The following PGD variants were observed in gnomAD, a reference collection of about 807,000 sequenced individuals.
PGD encodes the protein phosphogluconate dehydrogenase, also known as 6-phosphogluconate dehydrogenase, decarboxylating.
PGD carries 21 observed loss-of-function variants against 60.4 expected under a neutral mutation model. That is an observed-to-expected ratio of 0.35 (90% confidence interval 0.25 to 0.50). PGD has a LOEUF of 0.50. PGD is among the 20% of genes least tolerant of loss of function. The pLI, the probability that PGD is intolerant of heterozygous loss-of-function variation, is 0.98. For missense variants in PGD, 477 were observed against 613.1 expected (o/e 0.78, Z 2.34); for synonymous variants, 230 against 235.9 (o/e 0.97, Z 0.23).
chr1:10,413,930 C>T (rs1639548787), intron 8 of PGD, among the ~76,000 whole-genome samples: 1 of 151,572 alleles, frequency 6.6e-6, no homozygotes, highest in South Asian at 2.1e-4. Flanking sequence ...TTAGCAGGTG[C>T]CTGTAATCCC....
At chr1:10,404,566 C>G (rs575029773) in intron 5 of PGD, among the ~76,000 whole-genome samples, 2 of 148,954 alleles carry the variant, frequency 1.3e-5, no homozygotes, top group Admixed American at 6.8e-5. Context: ...GTGGTGAGAT[C>G]TTAGCTCACT....
At chr1:10,411,596 C>T in intron 7 of PGD, 44 bp downstream of exon 7, 2 of 1,610,900 alleles carry the variant, frequency 1.2e-6, no homozygotes, top group Non-Finnish European at 1.7e-6. Context: ...GCAGGGAGTG[C>T]TCACTTTGCC....
At position 10,417,121 on chromosome 1, in the gene PGD, G is replaced by A; in HGVS notation, c.975+4G>A. On this transcript the variant is annotated splice_donor_region_variant and intron_variant, in intron 9 of 12. Transcript: ENST00000270776. ...ATTCCTGGAGGACATTCGGAAGGTG[G>A]GACACAGTCCCTGGCAGTGGTCTTT... 6.2e-7 allele frequency: 1 copy of A among 1,613,794 alleles called. No individual in the cohort carries two copies. The highest frequency in any genetic ancestry group is 8.5e-7 in the Non-Finnish European group (1 of 1,179,796).
At position 10,419,863 on chromosome 1, in the gene PGD, G is replaced by GT. The variant is rs1387585526; in HGVS notation, c.*115dup. 17 of 1,243,666 alleles carry GT rather than the reference G, an allele frequency of 1.4e-5. No homozygotes were observed. In the Admixed American group the frequency reaches 3.3e-4, roughly 24 times the overall value. 77.0% of individuals were successfully genotyped at this position (1,243,666 alleles called of 1,614,324 possible). A position where few individuals can be genotyped will look rare whatever the true frequency, so the allele number is the denominator to read the frequency against. ...TTCTGTTCAGTTTTTTAAAAGTGTT[G>GT]TAAGAGACTCCTGAGGAAGACACAC... On this transcript the variant is annotated 3_prime_UTR_variant, in exon 13 of 13. Transcript: ENST00000270776.
intron 6 of PGD, among the ~76,000 whole-genome samples, chr1:10,408,667 G>A (rs1639447708): frequency 6.6e-6 from 1 of 152,196 alleles, no homozygotes; most frequent in Non-Finnish European, 1.5e-5. Flanking sequence ...ATAGTACAGT[G>A]GTGCGATCTT....
rs745501285 is a variant in PGD, at chr1:10,419,708, G to A, written c.1411G>A (p.Gly471Ser). The A allele has an allele frequency of 1.2e-6, 2 of 1,614,192 alleles. No individual in the cohort carries two copies. Among genetic ancestry groups the A allele is most frequent in the Non-Finnish European group, 8.5e-7 (1 of 1,180,018 alleles). ...PGQFIHTNWT[G>S]HGGTVSSSSY... ...GCAGTTTATCCACACCAACTGGACAGGCCATGGTGGCACCGTGTCATCCTC... is the reference window on the plus strand; with the variant it reads ...GCAGTTTATCCACACCAACTGGACAAGCCATGGTGGCACCGTGTCATCCTC... The change falls in exon 13 of 13, where the codon GGC (glycine) becomes AGC (serine). Residue 471 changes from glycine (G) to serine (S), a missense_variant. Coordinates refer to ENST00000270776, the MANE Select transcript of PGD (RefSeq NM_002631.4).
intron 5 of PGD, 76 bp from the exon 6 acceptor site, chr1:10,407,995 G>GTCT (rs1639435374): frequency 1.2e-6 from 1 of 837,562 alleles, no homozygotes; most frequent in South Asian, 1.3e-5. Context: ...GTGTCTATGG[G>GTCT]TATGTTGGTG....
chr1:10,419,858 G>A lies in PGD; in HGVS notation c.*109G>A. The A allele has an allele frequency of 7.5e-7, 1 of 1,338,462 alleles. No homozygotes were observed. Among genetic ancestry groups the A allele is most frequent in the East Asian group, 2.3e-5 (1 of 43,384 alleles). The allele number at this position is 1,338,462 out of a possible 1,614,324, so 82.9% of individuals were successfully genotyped here. On this transcript the variant is annotated 3_prime_UTR_variant, in exon 13 of 13. Transcript: ENST00000270776. ...CTATTTTCTGTTCAGTTTTTTAAAA[G>A]TGTTGTAAGAGACTCCTGAGGAAGA...
chr1:10,400,373 C>G lies in PGD; in HGVS notation c.85-20C>G. On this transcript the variant is annotated intron_variant, in intron 2 of 12. Transcript: ENST00000270776. Reference sequence around the variant, plus strand: ...TCTTGTGTGTCCTGGATCTCCTACTCAGGACTTTTGTCCTTCTAGGTCTGT... The same window carrying G: ...TCTTGTGTGTCCTGGATCTCCTACTGAGGACTTTTGTCCTTCTAGGTCTGT... 1.3e-6 allele frequency: 2 copies of G among 1,585,330 alleles called. No homozygotes were observed. Among genetic ancestry groups the G allele is most frequent in the Non-Finnish European group, 1.7e-6 (2 of 1,157,790 alleles).
At chr1:10,403,416 C>T (rs947252683) in intron 4 of PGD, among the ~76,000 whole-genome samples, 3 of 151,836 alleles carry the variant, frequency 2.0e-5, no homozygotes, top group Admixed American at 1.3e-4. Context: ...ATGGCGAAAA[C>T]CCGTCTCTAC....
At position 10,414,011 on chromosome 1, in the gene PGD, A is replaced by T. The variant is rs1398262529; in HGVS notation, c.844+760A>T. Among the ~76,000 whole-genome samples the T allele has an allele frequency of 2.0e-5, 3 of 152,162 alleles. No individual in the cohort carries two copies. In the East Asian group the frequency reaches 5.8e-4, roughly 29 times the overall value. ...GCAGAGGTTGCAGTGAGCCAAGATC[A>T]TGCCACTGCACTCCAGCCTGGGCAA... is the stretch of plus-strand genomic sequence containing the variant. On this transcript the variant is annotated intron_variant, in intron 8 of 12. Coordinates refer to ENST00000270776, the MANE Select transcript of PGD (RefSeq NM_002631.4).
At chr1:10,407,020 GA>G (rs1210904603) in intron 5 of PGD, among the ~76,000 whole-genome samples, 1 of 152,224 alleles carries the variant, frequency 6.6e-6, no homozygotes, top group Non-Finnish European at 1.5e-5. Flanking sequence ...TGCTGCAGTA[GA>G]AATTTCTGAG....
chr1:10,411,467 T>A lies in PGD; in HGVS notation c.569T>A (p.Ile190Lys). The A allele has an allele frequency of 2.5e-6, 4 of 1,614,030 alleles. No homozygotes were observed. Among genetic ancestry groups the A allele is most frequent in the Non-Finnish European group, 3.4e-6 (4 of 1,179,980 alleles). Residue 190 changes from isoleucine (I) to lysine (K), a missense_variant, in exon 7 of 13, where the codon ATA becomes AAA. By Grantham distance (102) the Ile-to-Lys change is moderately radical. Coordinates refer to ENST00000270776, the MANE Select transcript of PGD (RefSeq NM_002631.4). The part of the protein sequence containing the change: ...GHFVKMVHNG[I>K]EYGDMQLICE... The stretch of plus-strand genomic sequence containing the variant: ...TTCGTGAAGATGGTGCACAACGGGA[T>A]AGAGTATGGGGACATGCAGCTGATC...
intron 3 of PGD, among the ~76,000 whole-genome samples, chr1:10,401,629 CAG>C (rs1639317806): frequency 6.6e-6 from 1 of 152,152 alleles, no homozygotes; most frequent in African/African-American, 2.4e-5. Context: ...CAGTTTCAGA[CAG>C]AGAAAACTGA....
intron 2 of PGD, 197 bp downstream of exon 2, chr1:10,399,901 T>A (rs12096283): frequency 3.3e-6 from 2 of 606,504 alleles, no homozygotes; most frequent in Admixed American, 2.7e-5. Flanking sequence ...TCCTGCGGAG[T>A]GTGCCTGTGG....
Position 10,417,385 on chromosome 1 carries a change from G to T in PGD, c.985G>T (p.Ala329Ser), listed in dbSNP as rs778373193. ...CTGTGTCACTCTTTAGGCACTCTACGCTTCCAAGATCATCTCTTACGCTCA... is the reference window on the plus strand; with the variant it reads ...CTGTGTCACTCTTTAGGCACTCTACTCTTCCAAGATCATCTCTTACGCTCA... ...FLEDIRKALY[A>S]SKIISYAQGF... The change falls in exon 10 of 13, where the codon GCT (alanine) becomes TCT (serine). Residue 329 changes from alanine to serine, a missense_variant. Physicochemically the swap from Ala to Ser is moderately conservative, Grantham distance 99 (BLOSUM62 1). Around this residue, in one of 3 missense-constraint regions of PGD, gnomAD observed 431 missense variants for 556.6 expected, o/e 0.77. Transcript: ENST00000270776. 6.2e-7 allele frequency: 1 copy of T among 1,610,200 alleles called. No homozygotes were observed. The highest frequency in any genetic ancestry group is 1.7e-5 in the Admixed American group (1 of 59,394).
intron 9 of PGD, 89 bp from the exon 10 acceptor site, chr1:10,417,287 T>A: frequency 6.9e-7 from 1 of 1,459,332 alleles, no homozygotes; most frequent in South Asian, 1.3e-5. Context: ...CCTTCTGGGA[T>A]CTCCACTGCT....
At chr1:10,400,236 C>G in intron 2 of PGD, 157 bp from the exon 3 acceptor site, 1 of 600,202 alleles carries the variant, frequency 1.7e-6, no homozygotes. Context: ...GGTGACATAA[C>G]TTTACAGTGA....
At chr1:10,404,422 A>G (rs2102387668) in intron 5 of PGD, 143 bp downstream of exon 5, 1 of 496,582 alleles carries the variant, frequency 2.0e-6, no homozygotes, top group Middle Eastern at 2.8e-4. Flanking sequence ...TCTTTTATCT[A>G]GACATTTTGT....
Sources: allele counts gnomAD v4.1 joint callset (sites outside exome capture counted in the v4.1 genomes callset), GRCh38; gene constraint gnomAD v4.1.1; regional missense constraint gnomAD v4.1.1; transcripts MANE v1.5; gene names NCBI Gene and HGNC (gene_info 2026-07-23, HGNC 2026-07-21).